The following RBFOX1 variants were observed in gnomAD, a reference collection of about 807,000 sequenced individuals.
The protein encoded by RBFOX1 is RNA binding protein fox-1 homolog 1.
Under a neutral mutation model 57.7 loss-of-function variants are expected in RBFOX1, and 8 were observed. The observed-to-expected ratio is 0.14, with a 90% CI of 0.08 to 0.25. The LOEUF (loss-of-function observed/expected upper bound fraction) is 0.25, where lower values mean the gene tolerates loss of function less well. Among genes scored for constraint, RBFOX1 ranks in the 10% least tolerant of loss-of-function variants. RBFOX1 has a pLI of 1.00. For missense variants in RBFOX1, 611 were observed against 548.5 expected (o/e 1.11, Z -1.14); for synonymous variants, 326 against 222.4 (o/e 1.47, Z -4.15).
At chr16:6,842,066 C>G (rs977771710) in intron 3 of RBFOX1, among the ~76,000 whole-genome samples, 3 of 151,698 alleles carry the variant, frequency 2.0e-5, no homozygotes, top group Non-Finnish European at 4.4e-5. Context: ...TGGCGTGAAC[C>G]CGGGAGGCGG....
rs375469210 is a variant in RBFOX1 at position 5,506,602 on chromosome 16, A to G, written c.258+39348A>G. On this transcript the variant is annotated intron_variant, in intron 2 of 2. Coordinates refer to the RBFOX1 transcript ENST00000585867. ...TCAGCTCCATGGAAGTTAATGATAAATTAAACCTATTAATCACCCCAGGCA... is the reference window on the plus strand; with the variant it reads ...TCAGCTCCATGGAAGTTAATGATAAGTTAAACCTATTAATCACCCCAGGCA... 2.2e-4 allele frequency among the ~76,000 whole-genome samples: 33 copies of G among 152,244 alleles called. No individual in the cohort carries two copies. The East Asian group carries it at 5.6e-3, about 26-fold the overall frequency.
At position 7,082,001 on chromosome 16, in the gene RBFOX1, A is replaced by C. The variant is rs113238351; in HGVS notation, c.27+29903A>C. 2.7e-3 allele frequency among the ~76,000 whole-genome samples: 413 copies of C among 152,322 alleles called. 2 individuals are homozygous for C. Among genetic ancestry groups the C allele is most frequent in the African/African-American group, 9.7e-3 (404 of 41,574 alleles). ...AGATCACAACTGGAAATGAGCAGCC[A>C]CGTGGCTGAAAGTGGAAGAAGCGAT... On this transcript the variant is annotated intron_variant, in intron 4 of 15. Transcript: ENST00000550418.
chr16:6,711,997 T>G (rs886457923), intron 3 of RBFOX1, among the ~76,000 whole-genome samples: 1 of 152,240 alleles, frequency 6.6e-6, no homozygotes, highest in Non-Finnish European at 1.5e-5. Flanking sequence ...TTTTAGTGAT[T>G]TTGTTATCTC....
At chr16:6,935,958 C>T (rs575527395) in intron 3 of RBFOX1, among the ~76,000 whole-genome samples, 1 of 152,320 alleles carries the variant, frequency 6.6e-6, no homozygotes, top group East Asian at 1.9e-4. Flanking sequence ...AATATGTCTG[C>T]TTTGCTTACA....
At chr16:7,600,266 T>A (rs910709404) in intron 9 of RBFOX1, among the ~76,000 whole-genome samples, 5 of 152,198 alleles carry the variant, frequency 3.3e-5, no homozygotes, top group Non-Finnish European at 7.3e-5. Context: ...ATAGACACAG[T>A]AGAATTTATT....
chr16:6,181,467 A>C (rs1244516988), intron 1 of RBFOX1, among the ~76,000 whole-genome samples: 1 of 152,132 alleles, frequency 6.6e-6, no homozygotes, highest in African/African-American at 2.4e-5. Context: ...GTCCACAAGG[A>C]TTATTGCTAT....
rs149905709 is a variant in RBFOX1 at position 5,763,914 on chromosome 16, C to T, written c.319-103389C>T. Among the ~76,000 whole-genome samples, 1,112 of 152,236 alleles carry T rather than the reference C, an allele frequency of 7.3e-3. 11 individuals carry two copies. Among genetic ancestry groups the T allele is most frequent in the Middle Eastern group, 0.054 (16 of 294 alleles). ...CTTTTTTATTTCCAGGTATGTATCC[C>T]GCCCTGGCATTATATTATTTCTTAT... On this transcript the variant is annotated intron_variant, in intron 3 of 19. Coordinates refer to the RBFOX1 transcript ENST00000641259.
At chr16:6,086,633 A>T (rs1367370177) in intron 1 of RBFOX1, among the ~76,000 whole-genome samples, 1 of 152,182 alleles carries the variant, frequency 6.6e-6, no homozygotes, top group Non-Finnish European at 1.5e-5. Flanking sequence ...GGGGTTCATT[A>T]TATCTGAACT....
At chr16:5,429,679 C>T (rs2067670472) in intron 1 of RBFOX1, among the ~76,000 whole-genome samples, 1 of 152,194 alleles carries the variant, frequency 6.6e-6, no homozygotes. Context: ...AACCCTACCT[C>T]TGAGGGGCCA....
intron 1 of RBFOX1, among the ~76,000 whole-genome samples, chr16:5,295,454 G>A (rs1355765369): frequency 6.6e-6 from 1 of 152,208 alleles, no homozygotes; most frequent in African/African-American, 2.4e-5. Flanking sequence ...GCTGGGTTCA[G>A]TGCAAGGCTG....
intron 4 of RBFOX1, among the ~76,000 whole-genome samples, chr16:7,092,323 A>G (rs1336287707): frequency 1.1e-4 from 16 of 152,200 alleles, no homozygotes; most frequent in Non-Finnish European, 2.9e-5. Context: ...ACACATCTCC[A>G]TTTCAGATAC....
chr16:5,454,434 T>A (rs992695293), intron 1 of RBFOX1, among the ~76,000 whole-genome samples: 1 of 152,244 alleles, frequency 6.6e-6, no homozygotes, highest in Non-Finnish European at 1.5e-5. Context: ...AGATATGTGG[T>A]TACATGTTAT....
At chr16:5,246,686 T>G (rs1363807620) in intron 1 of RBFOX1, among the ~76,000 whole-genome samples, 2 of 152,038 alleles carry the variant, frequency 1.3e-5, no homozygotes, top group East Asian at 3.8e-4. Context: ...TCTTTTTTTT[T>G]TTTTGAGACA....
rs954195905 is a variant in RBFOX1 at position 7,222,937 on chromosome 16, G to A, written c.27+170839G>A. 4.6e-5 allele frequency among the ~76,000 whole-genome samples: 7 copies of A among 152,106 alleles called. No individual in the cohort carries two copies. The East Asian group carries it at 5.8e-4, about 13-fold the overall frequency. ...CTCAACCAGTCCTCTCATTTGCAGC[G>A]ATTTTTTTTTCTTTGAGCGTCCCTT... On this transcript the variant is annotated intron_variant, in intron 4 of 15. Coordinates refer to ENST00000550418, the MANE Select transcript of RBFOX1 (RefSeq NM_018723.4).
chr16:5,538,184 C>G (rs918789076), intron 2 of RBFOX1, among the ~76,000 whole-genome samples: 1 of 152,210 alleles, frequency 6.6e-6, no homozygotes, highest in African/African-American at 2.4e-5. Context: ...AGATGTAGAG[C>G]CAAGAGGCCA....
At chr16:6,870,923 T>A (rs1162200123) in intron 3 of RBFOX1, among the ~76,000 whole-genome samples, 1 of 152,180 alleles carries the variant, frequency 6.6e-6, no homozygotes, top group African/African-American at 2.4e-5. Flanking sequence ...AAAATCAGAC[T>A]TTTTCCATTT....
rs150727406 is a variant in RBFOX1, at chr16:7,136,321, G to C, written c.27+84223G>C. 3.3e-5 allele frequency among the ~76,000 whole-genome samples: 5 copies of C among 151,540 alleles called. No individual in the cohort carries two copies. The East Asian group carries it at 9.7e-4, about 29-fold the overall frequency. ...GTCTCATATTAGCCACATCTCAAGT[G>C]TCCAATGACCCCCCTGTGACTAGTA... On this transcript the variant is annotated intron_variant, in intron 4 of 15. Transcript: ENST00000550418.
At chr16:6,573,215 G>C (rs112592397) in intron 2 of RBFOX1, among the ~76,000 whole-genome samples, 1 of 152,076 alleles carries the variant, frequency 6.6e-6, no homozygotes, top group Non-Finnish European at 1.5e-5. Flanking sequence ...AGTAGACAAC[G>C]TTAAATCAGC....
chr16:6,234,324 A>T (rs1474494242), intron 1 of RBFOX1, among the ~76,000 whole-genome samples: 3 of 152,042 alleles, frequency 2.0e-5, no homozygotes, highest in Admixed American at 6.5e-5. Context: ...CCTTTTTGGC[A>T]TTTAGTTCAG....
Sources: allele counts gnomAD v4.1 joint callset (sites outside exome capture counted in the v4.1 genomes callset), GRCh38; gene constraint gnomAD v4.1.1; transcripts MANE v1.5; gene names NCBI Gene and HGNC (gene_info 2026-07-23, HGNC 2026-07-21).